The following KIAA0825 variants were observed in gnomAD, a reference collection of about 807,000 sequenced individuals.
KIAA0825 encodes KIAA0825.
In KIAA0825, 119 loss-of-function variants were observed where a neutral mutation model predicts 147.6. The ratio of observed to expected loss-of-function variants is 0.81; its 90% CI spans 0.69 to 0.94. The LOEUF is 0.94. Among genes scored for constraint, KIAA0825 ranks in the 40% least tolerant of loss-of-function variants. KIAA0825 has a pLI of 0.00. For missense variants in KIAA0825, 1,381 were observed against 1,472.7 expected, an observed-to-expected ratio of 0.94 and a Z score of 1.02; for synonymous variants, 470 against 518.1, an observed-to-expected ratio of 0.91 and a Z score of 1.26.
intron 20 of KIAA0825, among the ~76,000 whole-genome samples, chr5:94,202,670 T>C (rs1771806845): frequency 6.6e-6 from 1 of 152,244 alleles, no homozygotes; most frequent in Non-Finnish European, 1.5e-5. Flanking sequence ...GTATTCTTAC[T>C]GCACCCAGTG....
At chr5:94,319,862 T>C (rs184348354) in intron 20 of KIAA0825, among the ~76,000 whole-genome samples, 19 of 152,068 alleles carry the variant, frequency 1.2e-4, no homozygotes, top group Admixed American at 5.3e-4. Flanking sequence ...CTTGCTATCA[T>C]ACAAAATCAG....
rs553880984 is a variant in KIAA0825, at chr5:94,314,093, A to G, written c.3710+70275T>C. Among the ~76,000 whole-genome samples the G allele has an allele frequency of 3.3e-5, 5 of 151,640 alleles. No individual in the cohort carries two copies. In the South Asian group the frequency reaches 1.0e-3, roughly 31 times the overall value. On this transcript the variant is annotated intron_variant, in intron 20 of 20. Coordinates refer to ENST00000682413, the MANE Select transcript of KIAA0825 (RefSeq NM_001145678.3). The stretch of plus-strand genomic sequence containing the variant: ...TGCAAGACAGTTTCTACTACCTACC[A>G]CCTTCAACTTCTCTGAAGAAAAAAG...
intron 3 of KIAA0825, 114 bp downstream of exon 3, chr5:94,536,882 G>A (rs929478247): frequency 2.9e-6 from 2 of 686,358 alleles, no homozygotes; most frequent in Middle Eastern, 4.4e-4. Context: ...TTGGGGGAAA[G>A]TTAATGATAA....
At chr5:94,557,407 C>CTTT (rs77735800) in intron 2 of KIAA0825, among the ~76,000 whole-genome samples, 2 of 138,962 alleles carry the variant, frequency 1.4e-5, no homozygotes, top group Non-Finnish European at 3.2e-5. Flanking sequence ...AGGCTCCTTT[C>CTTT]TTTTTTTTTT....
intron 1 of KIAA0825, among the ~76,000 whole-genome samples, chr5:94,615,939 TAA>T (rs1790347958): frequency 6.6e-6 from 1 of 152,042 alleles, no homozygotes; most frequent in Admixed American, 6.6e-5. Context: ...TAGAACATAG[TAA>T]AAAGAGCCAA....
At chr5:94,534,975 T>C (rs1464907712) in intron 3 of KIAA0825, among the ~76,000 whole-genome samples, 1 of 152,118 alleles carries the variant, frequency 6.6e-6, no homozygotes, top group Non-Finnish European at 1.5e-5. Context: ...CATAAATATA[T>C]AACATGAAAG....
chr5:94,364,430 G>A (rs1424182557), intron 20 of KIAA0825, among the ~76,000 whole-genome samples: 1 of 151,750 alleles, frequency 6.6e-6, no homozygotes, highest in Admixed American at 6.6e-5. Flanking sequence ...CGCCCAGGCT[G>A]GAGTGCAGTG....
intron 20 of KIAA0825, among the ~76,000 whole-genome samples, chr5:94,354,667 G>A (rs1425785746): frequency 6.6e-6 from 1 of 152,148 alleles, no homozygotes; most frequent in Non-Finnish European, 1.5e-5. Flanking sequence ...AACTTCATAA[G>A]GGACATTGTC....
intron 1 of KIAA0825, among the ~76,000 whole-genome samples, chr5:94,588,805 T>C (rs966298080): frequency 2.0e-5 from 3 of 152,134 alleles, no homozygotes; most frequent in African/African-American, 7.2e-5. Flanking sequence ...CCATCAATAA[T>C]AGACTGAATA....
intron 20 of KIAA0825, among the ~76,000 whole-genome samples, chr5:94,307,343 A>G (rs1488400339): frequency 1.3e-5 from 2 of 151,736 alleles, no homozygotes; most frequent in East Asian, 1.9e-4. Flanking sequence ...GCTGCCTATA[A>G]TAGTACCTAT....
chr5:94,367,579 T>A (rs1467111945), intron 20 of KIAA0825, among the ~76,000 whole-genome samples: 1 of 152,146 alleles, frequency 6.6e-6, no homozygotes, highest in African/African-American at 2.4e-5. Flanking sequence ...TTGAACCCTG[T>A]AGGATTTTTT....
chr5:94,233,747 T>A (rs1308539119), intron 20 of KIAA0825, among the ~76,000 whole-genome samples: 3 of 152,226 alleles, frequency 2.0e-5, no homozygotes, highest in Non-Finnish European at 4.4e-5. Flanking sequence ...ACAAAAGTGA[T>A]AGCTGGTATT....
chr5:94,528,226 C>T (rs930676352), intron 3 of KIAA0825, among the ~76,000 whole-genome samples: 13 of 152,182 alleles, frequency 8.5e-5, no homozygotes, highest in Non-Finnish European at 1.6e-4. Flanking sequence ...TTGGCATAGG[C>T]CCTTATCATT....
intron 20 of KIAA0825, among the ~76,000 whole-genome samples, chr5:94,248,028 G>C (rs1775719258): frequency 6.6e-6 from 1 of 152,092 alleles, no homozygotes; most frequent in Non-Finnish European, 1.5e-5. Context: ...AAAATGTATA[G>C]ATAGGTGTGT....
chr5:94,216,881 C>T (rs1221228415), intron 20 of KIAA0825, among the ~76,000 whole-genome samples: 1 of 152,126 alleles, frequency 6.6e-6, no homozygotes, highest in African/African-American at 2.4e-5. Flanking sequence ...ATTTAATCCT[C>T]CAGTTGTCAA....
chr5:94,556,388 T>C (rs1202501082), intron 2 of KIAA0825, among the ~76,000 whole-genome samples: 3 of 152,200 alleles, frequency 2.0e-5, no homozygotes, highest in Non-Finnish European at 2.9e-5. Context: ...AGATGTCAAT[T>C]ACATTTTAAA....
chr5:94,343,853 G>A (rs1285227349), intron 20 of KIAA0825, among the ~76,000 whole-genome samples: 1 of 152,070 alleles, frequency 6.6e-6, no homozygotes, highest in Non-Finnish European at 1.5e-5. Context: ...AAAATAGGCA[G>A]GAGGCTTAAA....
chr5:94,453,683 A>G (rs1469722994), intron 12 of KIAA0825, among the ~76,000 whole-genome samples: 3 of 152,138 alleles, frequency 2.0e-5, no homozygotes, highest in Admixed American at 2.0e-4. Context: ...AAGGTGTAAC[A>G]ATACTATTAT....
intron 3 of KIAA0825, among the ~76,000 whole-genome samples, chr5:94,533,877 T>C (rs941489228): frequency 6.6e-6 from 1 of 152,184 alleles, no homozygotes; most frequent in African/African-American, 2.4e-5. Flanking sequence ...AATGACAGCC[T>C]TTCTTGAAGG....
Sources: allele counts gnomAD v4.1 joint callset (sites outside exome capture counted in the v4.1 genomes callset), GRCh38; gene constraint gnomAD v4.1.1; transcripts MANE v1.5; gene names NCBI Gene and HGNC (gene_info 2026-07-23, HGNC 2026-07-21).